The following RIMS2 variants were observed in gnomAD, a reference collection of about 807,000 sequenced individuals.
RIMS2 encodes regulating synaptic membrane exocytosis protein 2.
A neutral mutation model predicts 174.4 loss-of-function variants in RIMS2; 59 were observed. The observed-to-expected ratio is 0.34, with a 90% confidence interval of 0.27 to 0.42. RIMS2 has a LOEUF of 0.42. RIMS2 is among the 10% of genes least tolerant of loss of function. The pLI is 1.00. For synonymous variants in RIMS2, 606 were observed against 572.5 expected (o/e 1.06, Z -0.84); for missense variants, 1,620 against 1,666.3 (o/e 0.97, Z 0.48).
intron 20 of RIMS2, among the ~76,000 whole-genome samples, chr8:104,247,212 C>G (rs1054580236): frequency 3.3e-5 from 5 of 152,108 alleles, no homozygotes; most frequent in African/African-American, 1.2e-4. Context: ...TTTGCCAGGG[C>G]TACCATAATA....
At chr8:104,205,740 A>T (rs2099076992) in intron 19 of RIMS2, among the ~76,000 whole-genome samples, 1 of 151,608 alleles carries the variant, frequency 6.6e-6, no homozygotes, top group Non-Finnish European at 1.5e-5. Context: ...CATCATCGAG[A>T]ACTGCTTATT....
intron 1 of RIMS2, among the ~76,000 whole-genome samples, chr8:103,654,650 C>T (rs1331233979): frequency 6.6e-6 from 1 of 151,800 alleles, no homozygotes; most frequent in African/African-American, 2.4e-5. Flanking sequence ...TTCTGAATGC[C>T]CTTTAATTCA....
chr8:103,717,138 C>CTTTTTT (rs11373218), intron 2 of RIMS2, among the ~76,000 whole-genome samples: 675 of 112,816 alleles, frequency 6.0e-3, no homozygotes, highest in Non-Finnish European at 7.6e-3. Flanking sequence ...ATAGTGCCTT[C>CTTTTTT]TTTTTTTTTT....
intron 3 of RIMS2, among the ~76,000 whole-genome samples, chr8:103,871,832 A>G (rs1292540467): frequency 1.3e-5 from 2 of 152,030 alleles, no homozygotes; most frequent in African/African-American, 4.8e-5. Context: ...TTAACTCTGT[A>G]GTTGTAATGC....
chr8:103,928,834 A>G (rs544485448), intron 11 of RIMS2, among the ~76,000 whole-genome samples: 1 of 151,636 alleles, frequency 6.6e-6, no homozygotes, highest in African/African-American at 2.4e-5. Flanking sequence ...AACAGGAACT[A>G]TGTCAGGACC....
chr8:103,528,235 G>A (rs1256648672), intron 1 of RIMS2, among the ~76,000 whole-genome samples: 2 of 151,750 alleles, frequency 1.3e-5, no homozygotes, highest in African/African-American at 2.4e-5. Context: ...TTTCAATGGG[G>A]TTGTTTTTTT....
chr8:104,174,124 T>C (rs968114912), intron 19 of RIMS2, among the ~76,000 whole-genome samples: 1 of 151,784 alleles, frequency 6.6e-6, no homozygotes, highest in African/African-American at 2.4e-5. Flanking sequence ...TTTTTGTACT[T>C]TTAGTAGAGA....
chr8:103,785,412 T>G (rs1325033418), intron 3 of RIMS2, among the ~76,000 whole-genome samples: 1 of 151,678 alleles, frequency 6.6e-6, no homozygotes, highest in Non-Finnish European at 1.5e-5. Context: ...GGGTTTGTCA[T>G]AGATAGCTCT....
intron 3 of RIMS2, among the ~76,000 whole-genome samples, chr8:103,770,057 A>C (rs2098232942): frequency 6.6e-6 from 1 of 152,202 alleles, no homozygotes; most frequent in Non-Finnish European, 1.5e-5. Flanking sequence ...TACAGTAGTT[A>C]ATTAGACATT....
At chr8:104,235,597 C>T (rs2099253967) in intron 19 of RIMS2, among the ~76,000 whole-genome samples, 1 of 151,798 alleles carries the variant, frequency 6.6e-6, no homozygotes, top group Non-Finnish European at 1.5e-5. Context: ...TGAACATCCA[C>T]TACATAGACT....
intron 19 of RIMS2, among the ~76,000 whole-genome samples, chr8:104,100,731 T>G (rs1378443612): frequency 1.3e-5 from 2 of 148,514 alleles, no homozygotes; most frequent in African/African-American, 4.9e-5. Flanking sequence ...ATTTTCTTTT[T>G]TATCTAGTCT....
At chr8:103,623,616 C>G (rs1392780837) in intron 1 of RIMS2, among the ~76,000 whole-genome samples, 1 of 150,708 alleles carries the variant, frequency 6.6e-6, no homozygotes, top group East Asian at 2.0e-4. Context: ...TCCCGAGTAG[C>G]TGGGACTACA....
chr8:103,752,582 A>G (rs1471404972), intron 2 of RIMS2, among the ~76,000 whole-genome samples: 7 of 152,092 alleles, frequency 4.6e-5, no homozygotes, highest in Non-Finnish European at 1.0e-4. Flanking sequence ...ATGTTCTTCC[A>G]TTTGTTTGTA....
chr8:103,700,944 AT>A (rs1220508022), intron 2 of RIMS2, among the ~76,000 whole-genome samples: 1 of 152,038 alleles, frequency 6.6e-6, no homozygotes, highest in Non-Finnish European at 1.5e-5. Context: ...ACTTTTATTC[AT>A]TTTATAAACC....
chr8:103,866,148 C>T (rs2154505082), intron 3 of RIMS2, among the ~76,000 whole-genome samples: 1 of 152,228 alleles, frequency 6.6e-6, no homozygotes, highest in South Asian at 2.1e-4. Flanking sequence ...CTCCAAAATG[C>T]CATGTTAATG....
At chr8:103,819,920 C>T (rs1251629572) in intron 3 of RIMS2, among the ~76,000 whole-genome samples, 1 of 151,862 alleles carries the variant, frequency 6.6e-6, no homozygotes, top group Non-Finnish European at 1.5e-5. Context: ...CTTAAAAATG[C>T]CCGATAGATG....
chr8:103,777,264 A>G (rs1420842732), intron 3 of RIMS2, among the ~76,000 whole-genome samples: 2 of 152,032 alleles, frequency 1.3e-5, no homozygotes, highest in African/African-American at 4.8e-5. Flanking sequence ...AAAAGGACAG[A>G]ACCCCAGGAA....
chr8:103,728,888 C>T (rs530104000), intron 2 of RIMS2, among the ~76,000 whole-genome samples: 2 of 150,896 alleles, frequency 1.3e-5, no homozygotes, highest in East Asian at 2.0e-4. Context: ...GATTGATTTA[C>T]GTTTGTTGAG....
intron 1 of RIMS2, among the ~76,000 whole-genome samples, chr8:103,603,351 T>G (rs2094861319): frequency 6.6e-6 from 1 of 151,712 alleles, no homozygotes; most frequent in African/African-American, 2.4e-5. Context: ...GGCTGCATAG[T>G]ATTCCATGGT....
Sources: gnomAD v4.1 joint callset for allele counts (sites outside exome capture counted in the v4.1 genomes callset) on GRCh38, gnomAD v4.1.1 for gene constraint, MANE v1.5 for transcripts, NCBI Gene and HGNC (gene_info 2026-07-23, HGNC 2026-07-21) for gene names.